The following VWA3B variants were observed in gnomAD, a reference collection of about 807,000 sequenced individuals.
VWA3B encodes the protein von Willebrand factor A domain-containing protein 3B.
VWA3B carries 138 observed loss-of-function variants against 158.3 expected under a neutral mutation model. The observed-to-expected ratio is 0.87, with a 90% CI of 0.76 to 1.00. The LOEUF is 1.00. Among genes scored for constraint, VWA3B ranks in the 50% least tolerant of loss-of-function variants. The pLI is 0.00. For synonymous variants in VWA3B, 596 were observed against 587.3 expected (o/e 1.01, Z -0.21); for missense variants, 1,555 against 1,565.1 (o/e 0.99, Z 0.11).
intron 3 of VWA3B, among the ~76,000 whole-genome samples, chr2:98,115,999 G>A (rs985093129): frequency 6.6e-6 from 1 of 151,964 alleles, no homozygotes; most frequent in Non-Finnish European, 1.5e-5. Context: ...TTACCACTTC[G>A]TTTTGCTTTG....
At chr2:98,266,152 T>A (rs1240063465) in intron 21 of VWA3B, among the ~76,000 whole-genome samples, 1 of 150,138 alleles carries the variant, frequency 6.7e-6, no homozygotes, top group Non-Finnish European at 1.5e-5. Context: ...TGCCTAGGTT[T>A]TCTTCTAGGG....
chr2:98,239,046 T>C (rs778985796), intron 19 of VWA3B, among the ~76,000 whole-genome samples: 2 of 152,152 alleles, frequency 1.3e-5, no homozygotes, highest in African/African-American at 2.4e-5. Context: ...TAAACAGTAA[T>C]GGCAATGACA....
In VWA3B at chr2:98,145,172, T is replaced by A. The variant is rs1054485259; in HGVS notation, c.988+11233T>A. ...TTTCCCTGGCCTACAGTGTACCCTT[T>A]CCGTCTGTATACTCCAGACTTCTAT... On this transcript the variant is annotated intron_variant, in intron 7 of 27. Coordinates refer to ENST00000477737, the MANE Select transcript of VWA3B (RefSeq NM_144992.5). Among the ~76,000 whole-genome samples, 6 of 152,382 alleles carry A rather than the reference T, an allele frequency of 3.9e-5. 1 individual carries two copies. The highest frequency in any genetic ancestry group is 6.5e-5 in the Admixed American group (1 of 15,310).
At chr2:98,300,046 A>C in intron 24 of VWA3B, 33 bp from the exon 25 acceptor site, 1 of 1,614,038 alleles carries the variant, frequency 6.2e-7, no homozygotes, top group South Asian at 1.1e-5. Flanking sequence ...ACAATCCATA[A>C]GCAAAATATT....
chr2:98,232,051 T>C (rs981637488), intron 16 of VWA3B, among the ~76,000 whole-genome samples: 12 of 152,220 alleles, frequency 7.9e-5, no homozygotes, highest in African/African-American at 2.4e-4. Flanking sequence ...CCTCTTCTAT[T>C]CCTGGGAGAA....
the VWA3B span, among the ~76,000 whole-genome samples, chr2:98,324,909 T>TAA: frequency 6.8e-4 from 101 of 147,982 alleles, no homozygotes; most frequent in Middle Eastern, 3.5e-3. Context: ...GTCTTAATGT[T>TAA]AAAAAAAAAA....
intron 14 of VWA3B, 142 bp from the exon 15 acceptor site, chr2:98,228,060 G>T: frequency 1.2e-6 from 1 of 862,656 alleles, no homozygotes; most frequent in Non-Finnish European, 1.6e-6. Flanking sequence ...AGGCCAAGAT[G>T]AGAGGATCAC....
intron 19 of VWA3B, among the ~76,000 whole-genome samples, chr2:98,245,185 A>G (rs1686314123): frequency 6.6e-6 from 1 of 152,018 alleles, no homozygotes; most frequent in Admixed American, 6.5e-5. Flanking sequence ...CTTGATTTGC[A>G]TTATAACAGT....
chr2:98,217,224 C>T (rs1398982864), intron 13 of VWA3B, among the ~76,000 whole-genome samples: 1 of 152,148 alleles, frequency 6.6e-6, no homozygotes, highest in African/African-American at 2.4e-5. Flanking sequence ...TTGAAGCAAA[C>T]CTCTCACCAC....
At chr2:98,272,741 GC>G (rs375056205) in intron 22 of VWA3B, among the ~76,000 whole-genome samples, 1,963 of 152,270 alleles carry the variant, frequency 0.013, 16 homozygotes, top group Non-Finnish European at 0.018. Flanking sequence ...ATATCTATAT[GC>G]CATATAAATA....
rs377014875 is a variant in VWA3B at position 98,186,158 on chromosome 2, A to ATTTT, written c.1312-1802_1312-1799dup. On this transcript the variant is annotated intron_variant, in intron 9 of 27. Coordinates refer to ENST00000477737, the MANE Select transcript of VWA3B (RefSeq NM_144992.5). ...TTGATCTAGTTGGTCACTTCCTTGA[A>ATTTT]TTTTTTTTTTTTTTTTTTGCAGAAT... Among the ~76,000 whole-genome samples, 4 of 128,370 alleles carry ATTTT rather than the reference A, an allele frequency of 3.1e-5. 1 individual carries two copies. Among genetic ancestry groups the ATTTT allele is most frequent in the Admixed American group, 1.6e-4 (2 of 12,260 alleles). 84.2% of individuals were successfully genotyped at this position (128,370 alleles called of 152,430 possible).
intron 21 of VWA3B, among the ~76,000 whole-genome samples, chr2:98,268,079 A>G (rs1192505715): frequency 6.6e-6 from 1 of 151,944 alleles, no homozygotes; most frequent in Non-Finnish European, 1.5e-5. Flanking sequence ...GTCCAGGACC[A>G]GATGGATTCA....
chr2:98,121,749 C>T (rs72946920), intron 5 of VWA3B, among the ~76,000 whole-genome samples: 1 of 151,830 alleles, frequency 6.6e-6, no homozygotes, highest in Non-Finnish European at 1.5e-5. Flanking sequence ...TCACACCCAC[C>T]GAGCACCGAG....
chr2:98,228,065 G>C, intron 14 of VWA3B, 137 bp from the exon 15 acceptor site: 1 of 911,044 alleles, frequency 1.1e-6, no homozygotes, highest in Non-Finnish European at 1.5e-6. Context: ...AAGATGAGAG[G>C]ATCACTTGAG....
intron 19 of VWA3B, among the ~76,000 whole-genome samples, chr2:98,237,545 G>A (rs1428421744): frequency 1.3e-5 from 2 of 152,182 alleles, no homozygotes; most frequent in Non-Finnish European, 2.9e-5. Context: ...AGGGTTAAAT[G>A]TGGAGGAAGG....
At chr2:98,253,939 C>G (rs1686958844) in intron 20 of VWA3B, among the ~76,000 whole-genome samples, 1 of 152,122 alleles carries the variant, frequency 6.6e-6, no homozygotes, top group South Asian at 2.1e-4. Flanking sequence ...GGTGGCCTCC[C>G]TGGACAGTAG....
chr2:98,229,513 C>T (rs539510898), intron 15 of VWA3B, among the ~76,000 whole-genome samples: 23 of 152,322 alleles, frequency 1.5e-4, no homozygotes, highest in South Asian at 2.1e-4. Flanking sequence ...AACATGCAAG[C>T]GTTTCTGGGA....
intron 10 of VWA3B, 47 bp downstream of exon 10, chr2:98,188,176 C>G (rs780215071): frequency 1.3e-6 from 2 of 1,574,010 alleles, no homozygotes; most frequent in Admixed American, 1.9e-5. Context: ...TCGCTCTGGA[C>G]ATTCTCATCT....
chr2:98,108,994 C>CTTTTT (rs56760057), intron 2 of VWA3B, among the ~76,000 whole-genome samples: 60 of 132,536 alleles, frequency 4.5e-4, no homozygotes, highest in South Asian at 7.1e-4. Flanking sequence ...CTTTTCTTTT[C>CTTTTT]TTTTTTTTTT....
Sources: gnomAD v4.1 joint callset for allele counts (sites outside exome capture counted in the v4.1 genomes callset) on GRCh38, gnomAD v4.1.1 for gene constraint, MANE v1.5 for transcripts, NCBI Gene and HGNC (gene_info 2026-07-23, HGNC 2026-07-21) for gene names.